The following RFX3 variants were observed in gnomAD, a reference collection of about 807,000 sequenced individuals.
The protein encoded by RFX3 is regulatory factor X3.
In RFX3, 14 loss-of-function variants were observed where a neutral mutation model predicts 98.6. The ratio of observed to expected loss-of-function variants is 0.14; its 90% CI spans 0.09 to 0.22. The LOEUF (loss-of-function observed/expected upper bound fraction) is 0.22. Ranked by LOEUF, RFX3 falls within the 10% of genes least tolerant of loss-of-function variation. The pLI is 1.00. For synonymous variants in RFX3, 383 were observed against 328.4 expected, an observed-to-expected ratio of 1.17 and a Z score of -1.80; for missense variants, 639 against 926.9, an observed-to-expected ratio of 0.69 and a Z score of 4.03.
At chr9:3,473,348 C>T (rs1029964010) in intron 1 of RFX3, among the ~76,000 whole-genome samples, 21 of 152,274 alleles carry the variant, frequency 1.4e-4, no homozygotes, top group Non-Finnish European at 2.6e-4. Context: ...TCTTATTTCT[C>T]CACAATACTG....
chr9:3,303,664 G>T (rs1028146439), intron 4 of RFX3, among the ~76,000 whole-genome samples: 8 of 151,584 alleles, frequency 5.3e-5, no homozygotes, highest in Non-Finnish European at 7.4e-5. Context: ...AAAAAAGTCA[G>T]AGATCTGCTT....
chr9:3,459,088 C>T (rs1847458816), intron 1 of RFX3, among the ~76,000 whole-genome samples: 1 of 152,104 alleles, frequency 6.6e-6, no homozygotes, highest in Non-Finnish European at 1.5e-5. Context: ...GTCTTGGGAG[C>T]TCAGAGTAAA....
At chr9:3,340,191 G>T (rs370653819) in intron 3 of RFX3, among the ~76,000 whole-genome samples, 4 of 152,170 alleles carry the variant, frequency 2.6e-5, no homozygotes, top group Non-Finnish European at 5.9e-5. Context: ...GGGAAAACCG[G>T]CTAGCCATAT....
chr9:3,478,815 C>T (rs1849493274), intron 1 of RFX3, among the ~76,000 whole-genome samples: 1 of 152,194 alleles, frequency 6.6e-6, no homozygotes, highest in South Asian at 2.1e-4. Context: ...TGGCCAGATT[C>T]TTCCTTTGCC....
At chr9:3,424,759 TA>T (rs1274500935) in intron 1 of RFX3, among the ~76,000 whole-genome samples, 1 of 152,208 alleles carries the variant, frequency 6.6e-6, no homozygotes, top group Non-Finnish European at 1.5e-5. Flanking sequence ...TGCAATTCCA[TA>T]ATTTTTCATC....
intron 1 of RFX3, among the ~76,000 whole-genome samples, chr9:3,443,419 T>A (rs777985851): frequency 3.9e-5 from 6 of 152,174 alleles, no homozygotes; most frequent in Non-Finnish European, 8.8e-5. Flanking sequence ...TGCGTTCTCA[T>A]CATTCAGCTC....
chr9:3,377,753 G>A (rs1838709980), intron 2 of RFX3, among the ~76,000 whole-genome samples: 1 of 152,128 alleles, frequency 6.6e-6, no homozygotes, highest in Non-Finnish European at 1.5e-5. Context: ...AGTATTTGGG[G>A]TAATGAAAAT....
chr9:3,484,359 G>C (rs1004509568), intron 1 of RFX3, among the ~76,000 whole-genome samples: 1 of 152,192 alleles, frequency 6.6e-6, no homozygotes, highest in African/African-American at 2.4e-5. Flanking sequence ...TAGCTAGCTA[G>C]TGTATGAAAT....
At chr9:3,477,146 A>G (rs1412970926) in intron 1 of RFX3, among the ~76,000 whole-genome samples, 1 of 152,168 alleles carries the variant, frequency 6.6e-6, no homozygotes, top group East Asian at 1.9e-4. Flanking sequence ...TCCAGACAGC[A>G]AAGTATAATT....
rs1397836150 is a variant in RFX3, at chr9:3,222,441, G to C, written c.*2601C>G. On this transcript the variant is annotated 3_prime_UTR_variant, in exon 17 of 17. Coordinates refer to ENST00000617270, the MANE Select transcript of RFX3 (RefSeq NM_001282116.2). ...CCCTAAGCCTCATCAATCTAAATTT[G>C]CCCATTATTACCAGATTCCTGTAAT... The C allele has an allele frequency of 6.6e-6, 1 of 152,094 alleles. No individual in the cohort carries two copies. Among genetic ancestry groups the C allele is most frequent in the Non-Finnish European group, 1.5e-5 (1 of 67,998 alleles). The allele number at this position is 152,094 out of a possible 1,614,324, so 9.4% of individuals were successfully genotyped here. A position where few individuals can be genotyped will look rare whatever the true frequency, so the allele number is the denominator to read the frequency against.
At chr9:3,485,162 AC>A (rs1387086142) in intron 1 of RFX3, among the ~76,000 whole-genome samples, 3 of 152,066 alleles carry the variant, frequency 2.0e-5, no homozygotes, top group Admixed American at 6.5e-5. Flanking sequence ...AAAATAAAAA[AC>A]ATACTGAAAA....
intron 2 of RFX3, among the ~76,000 whole-genome samples, chr9:3,367,659 G>A (rs1365081464): frequency 6.6e-6 from 1 of 152,152 alleles, no homozygotes; most frequent in Non-Finnish European, 1.5e-5. Context: ...CAGGGAAAAG[G>A]AAATACACTC....
At chr9:3,475,233 G>A (rs954172276) in intron 1 of RFX3, among the ~76,000 whole-genome samples, 1 of 151,938 alleles carries the variant, frequency 6.6e-6, no homozygotes, top group Non-Finnish European at 1.5e-5. Flanking sequence ...AGCCCCACAG[G>A]GTCAGTGGGT....
intron 1 of RFX3, among the ~76,000 whole-genome samples, chr9:3,408,269 G>A (rs545988095): frequency 8.3e-4 from 126 of 152,292 alleles, no homozygotes; most frequent in Non-Finnish European, 8.5e-4. Context: ...AGAGCTTTAA[G>A]GAAGGCTGTA....
At chr9:3,384,164 G>A (rs1839471249) in intron 2 of RFX3, among the ~76,000 whole-genome samples, 1 of 151,802 alleles carries the variant, frequency 6.6e-6, no homozygotes, top group Admixed American at 6.6e-5. Context: ...AGTGAGCAAG[G>A]CCCAAGTCCT....
At chr9:3,399,423 G>A (rs1043676663) in intron 1 of RFX3, among the ~76,000 whole-genome samples, 4 of 151,852 alleles carry the variant, frequency 2.6e-5, no homozygotes, top group South Asian at 2.1e-4. Flanking sequence ...CAGCCTGGGC[G>A]ACAAGACCAA....
At chr9:3,417,980 T>C (rs1213738828) in intron 1 of RFX3, among the ~76,000 whole-genome samples, 1 of 152,220 alleles carries the variant, frequency 6.6e-6, no homozygotes, top group East Asian at 1.9e-4. Flanking sequence ...AAAGCAGATA[T>C]AGATTCTACA....
At chr9:3,395,441 A>G (rs371674041) in intron 2 of RFX3, 31 bp downstream of exon 2, 15 of 1,606,502 alleles carry the variant, frequency 9.3e-6, no homozygotes, top group Non-Finnish European at 1.2e-5. Flanking sequence ...TGAAAGTAAC[A>G]GCATCTTTTC....
At chr9:3,472,443 C>G (rs570628701) in intron 1 of RFX3, among the ~76,000 whole-genome samples, 24 of 152,234 alleles carry the variant, frequency 1.6e-4, no homozygotes, top group East Asian at 1.4e-3. Flanking sequence ...GTCACTAGCT[C>G]ATAGTTATCA....
Sources: gnomAD v4.1 joint callset for allele counts (sites outside exome capture counted in the v4.1 genomes callset) on GRCh38, gnomAD v4.1.1 for gene constraint, MANE v1.5 for transcripts, NCBI Gene and HGNC (gene_info 2026-07-23, HGNC 2026-07-21) for gene names.